CSNK1G1: variants seen among roughly 807,000 people sequenced by gnomAD.
CSNK1G1 encodes casein kinase I isoform gamma-1.
In CSNK1G1, 22 loss-of-function variants were observed where a neutral mutation model predicts 59.6. The ratio of observed to expected loss-of-function variants is 0.37; its 90% CI spans 0.26 to 0.53. The LOEUF is 0.53. Ranked by LOEUF, CSNK1G1 falls within the 20% of genes least tolerant of loss-of-function variation. The pLI is 0.89. For missense variants in CSNK1G1, 384 were observed against 519.5 expected, an observed-to-expected ratio of 0.74 and a Z score of 2.54; for synonymous variants, 179 against 177.1, an observed-to-expected ratio of 1.01 and a Z score of -0.08.
chr15:64,229,035 A>G (rs951938185), intron 4 of CSNK1G1, among the ~76,000 whole-genome samples: 249 of 151,428 alleles, frequency 1.6e-3, no homozygotes, highest in Middle Eastern at 6.8e-3. Flanking sequence ...AAAAAAAAAA[A>G]AAAGAAAAAG....
intron 10 of CSNK1G1, chr15:64,189,413 C>CCT (rs770135291): frequency 1.1e-4 from 139 of 1,286,618 alleles, no homozygotes; most frequent in Non-Finnish European, 1.4e-4. Flanking sequence ...TGTTTAGGTG[C>CCT]CTCTTCCCCT....
intron 3 of CSNK1G1, among the ~76,000 whole-genome samples, chr15:64,254,722 T>C (rs183801338): frequency 5.3e-5 from 8 of 152,338 alleles, no homozygotes; most frequent in African/African-American, 1.7e-4. Flanking sequence ...GATAATATTA[T>C]TTTCTCCTAT....
intron 2 of CSNK1G1, among the ~76,000 whole-genome samples, chr15:64,296,064 A>G (rs1895003408): frequency 6.6e-6 from 1 of 152,144 alleles, no homozygotes; most frequent in Non-Finnish European, 1.5e-5. Context: ...TCATCAAATC[A>G]TACCTCCTCT....
chr15:64,325,514 C>T (rs1896791836), intron 1 of CSNK1G1, among the ~76,000 whole-genome samples: 1 of 152,016 alleles, frequency 6.6e-6, no homozygotes, highest in African/African-American at 2.4e-5. Flanking sequence ...CCCAGAATCA[C>T]AAAAAATTAT....
intron 1 of CSNK1G1, among the ~76,000 whole-genome samples, chr15:64,352,447 C>CTTCTTTTTTTTTTTTTTTTTTTT (rs1566958699): frequency 3.4e-5 from 3 of 89,412 alleles, no homozygotes; most frequent in Non-Finnish European, 6.1e-5. Flanking sequence ...TTGAATTCTT[C>CTTCTTTTTTTTTTTTTTTTTTTT]TTTTTTTTTT....
chr15:64,252,019 G>A (rs1449119135), intron 3 of CSNK1G1, among the ~76,000 whole-genome samples: 6 of 151,820 alleles, frequency 4.0e-5, no homozygotes, highest in Non-Finnish European at 7.4e-5. Context: ...CAAAAATTAG[G>A]AAGAAAGTAA....
chr15:64,215,781 C>G (rs1174707396), intron 5 of CSNK1G1, among the ~76,000 whole-genome samples: 2 of 152,192 alleles, frequency 1.3e-5, no homozygotes, highest in South Asian at 4.1e-4. Flanking sequence ...TGAAATTTGT[C>G]TCTGAGAGAA....
chr15:64,277,788 A>G (rs1893789600), intron 2 of CSNK1G1, among the ~76,000 whole-genome samples: 1 of 134,406 alleles, frequency 7.4e-6, no homozygotes, highest in South Asian at 2.2e-4. Context: ...ATAATATATT[A>G]ATATTGATAT....
At chr15:64,261,180 C>T (rs916537409) in intron 2 of CSNK1G1, among the ~76,000 whole-genome samples, 1 of 152,152 alleles carries the variant, frequency 6.6e-6, no homozygotes, top group Non-Finnish European at 1.5e-5. Context: ...TAACAAACAG[C>T]CAATTCCCAG....
At chr15:64,228,332 A>G (rs1330106052) in intron 4 of CSNK1G1, among the ~76,000 whole-genome samples, 1 of 152,244 alleles carries the variant, frequency 6.6e-6, no homozygotes, top group Non-Finnish European at 1.5e-5. Flanking sequence ...GCAAACCAAA[A>G]GCAGTAAAAA....
At position 64,166,092 on chromosome 15, in the gene CSNK1G1, A is replaced by T. The variant is rs1408944217; in HGVS notation, c.*5839T>A. The T allele has an allele frequency of 1.6e-6, 1 of 621,104 alleles. No individual in the cohort carries two copies. Among genetic ancestry groups the T allele is most frequent in the East Asian group, 2.9e-5 (1 of 35,080 alleles). The allele number at this position is 621,104 out of a possible 1,614,324, so 38.5% of individuals were successfully genotyped here. A position where few individuals can be genotyped will look rare whatever the true frequency, so the allele number is the denominator to read the frequency against. On this transcript the variant is annotated 3_prime_UTR_variant, in exon 12 of 12. Transcript: ENST00000303052. This position sits in a 1 kb window ranked among gnomAD's most constrained non-coding sequence, Gnocchi z 4.5. Reference sequence around the variant, plus strand: ...GAAACATTATACATCTAAAAAAAAAAAAAGTAAAAAAAGAGGCATTTAACA... The same window carrying T: ...GAAACATTATACATCTAAAAAAAAATAAAGTAAAAAAAGAGGCATTTAACA...
rs1311635912 is a variant in CSNK1G1, at chr15:64,180,464, A to G, written c.1108-10T>C. On this transcript the variant is annotated splice_polypyrimidine_tract_variant and intron_variant, in intron 10 of 11. Coordinates refer to ENST00000303052, the MANE Select transcript of CSNK1G1 (RefSeq NM_022048.5). ...TGGTTGAGCTAACCACCTGAAACAG[A>G]AAGACAGAAGTGTGTGACAGGCACC... The G allele has an allele frequency of 1.9e-6, 3 of 1,609,750 alleles. No homozygotes were observed. The highest frequency in any genetic ancestry group is 1.7e-5 in the Admixed American group (1 of 60,016).
At chr15:64,331,325 A>G (rs1461712042) in intron 1 of CSNK1G1, among the ~76,000 whole-genome samples, 2 of 140,398 alleles carry the variant, frequency 1.4e-5, no homozygotes, top group Non-Finnish European at 3.1e-5. Context: ...GTACCAAAAC[A>G]GAGATATAGA....
intron 10 of CSNK1G1, among the ~76,000 whole-genome samples, chr15:64,202,162 T>C (rs1236698215): frequency 6.6e-6 from 1 of 152,042 alleles, no homozygotes; most frequent in Non-Finnish European, 1.5e-5. Context: ...CTAAGCTGAG[T>C]CTTCACTGCA....
In CSNK1G1 at chr15:64,200,925, T is replaced by C. The variant is rs911426264; in HGVS notation, c.1107+2157A>G. The stretch of plus-strand genomic sequence containing the variant: ...ATAACCTATACTTTGAGTGGTTTTA[T>C]TGATTGATTTCAAGAAGTAAGGTAT... On this transcript the variant is annotated intron_variant, in intron 10 of 11. Coordinates refer to ENST00000303052, the MANE Select transcript of CSNK1G1 (RefSeq NM_022048.5). This position sits in a 1 kb window ranked among gnomAD's most constrained non-coding sequence, Gnocchi z 4.3. 4.6e-5 allele frequency among the ~76,000 whole-genome samples: 7 copies of C among 152,150 alleles called. No individual in the cohort carries two copies. In the East Asian group the frequency reaches 1.3e-3, roughly 29 times the overall value.
rs1241378490 is a variant in CSNK1G1 at position 64,311,696 on chromosome 15, A to AG, written c.-224-10974_-224-10973insC. Among the ~76,000 whole-genome samples the AG allele has an allele frequency of 5.4e-5, 8 of 147,970 alleles. 1 individual carries two copies. Among genetic ancestry groups the AG allele is most frequent in the African/African-American group, 1.8e-4 (7 of 39,588 alleles). ...AAAAGTGAAAAAAAAAAAAAAAAAA[A>AG]AAGCCACGGGGTTTGGTAGCTCACA... is the stretch of plus-strand genomic sequence containing the variant. On this transcript the variant is annotated intron_variant, in intron 1 of 11. Coordinates refer to ENST00000303052, the MANE Select transcript of CSNK1G1 (RefSeq NM_022048.5).
chr15:64,289,594 A>C (rs1596227349), intron 2 of CSNK1G1, among the ~76,000 whole-genome samples: 1 of 152,346 alleles, frequency 6.6e-6, no homozygotes, highest in East Asian at 1.9e-4. Context: ...GACTTAATTA[A>C]ACTAAAAAGC....
intron 2 of CSNK1G1, among the ~76,000 whole-genome samples, chr15:64,271,260 T>A (rs1268007471): frequency 6.6e-6 from 1 of 151,952 alleles, no homozygotes; most frequent in Non-Finnish European, 1.5e-5. Context: ...AGTGCTGGGA[T>A]TACAGGTGTG....
At chr15:64,287,618 A>C (rs1894499624) in intron 2 of CSNK1G1, among the ~76,000 whole-genome samples, 1 of 152,158 alleles carries the variant, frequency 6.6e-6, no homozygotes, top group African/African-American at 2.4e-5. Flanking sequence ...GATCCAATTC[A>C]CTGTTGAAGT....
Sources: allele counts gnomAD v4.1 joint callset (sites outside exome capture counted in the v4.1 genomes callset), GRCh38; gene constraint gnomAD v4.1.1; non-coding constraint Gnocchi (gnomAD v3.1); transcripts MANE v1.5; gene names NCBI Gene and HGNC (gene_info 2026-07-23, HGNC 2026-07-21).